The following PEAK1 variants were observed in gnomAD, a reference collection of about 807,000 sequenced individuals.
The protein encoded by PEAK1 is pseudopodium enriched atypical kinase 1.
A neutral mutation model predicts 124.7 loss-of-function variants in PEAK1; 54 were observed. The ratio of observed to expected loss-of-function variants is 0.43; its 90% CI spans 0.35 to 0.54. The LOEUF (loss-of-function observed/expected upper bound fraction) is 0.54. PEAK1 is among the 20% of genes least tolerant of loss of function. PEAK1 has a pLI of 0.01. For synonymous variants in PEAK1, 719 were observed against 760.0 expected (o/e 0.95, Z 0.89); for missense variants, 2,046 against 2,134.5 (o/e 0.96, Z 0.82).
intron 2 of PEAK1, among the ~76,000 whole-genome samples, chr15:77,294,395 A>C (rs1363847721): frequency 6.6e-6 from 1 of 152,242 alleles, no homozygotes; most frequent in African/African-American, 2.4e-5. Flanking sequence ...TTTGACATCT[A>C]CGATTATGAA....
chr15:77,175,422 C>A (rs1008634561), intron 7 of PEAK1, among the ~76,000 whole-genome samples: 80 of 150,104 alleles, frequency 5.3e-4, no homozygotes, highest in African/African-American at 1.8e-3. Flanking sequence ...AACAAACAAC[C>A]CCATCAAAAA....
chr15:77,347,804 T>C lies in PEAK1; in HGVS notation c.-603+17359A>G. 4.1e-6 allele frequency: 4 copies of C among 985,184 alleles called. No homozygotes were observed. The South Asian group carries it at 1.9e-4, about 46-fold the overall frequency. The allele number at this position is 985,184 out of a possible 1,614,324, so 61.0% of individuals were successfully genotyped here. A position where few individuals can be genotyped will look rare whatever the true frequency, so the allele number is the denominator to read the frequency against. Reference sequence around the variant, plus strand: ...TGAGTGTATAGATCATCTGTTTTCCTTCTATAGCAAGCACAAAACAGTGTT... The same window carrying C: ...TGAGTGTATAGATCATCTGTTTTCCCTCTATAGCAAGCACAAAACAGTGTT... On this transcript the variant is annotated intron_variant, in intron 2 of 9. Transcript: ENST00000682557.
intron 2 of PEAK1, among the ~76,000 whole-genome samples, chr15:77,341,363 A>C (rs2066519754): frequency 6.6e-6 from 1 of 152,076 alleles, no homozygotes; most frequent in Non-Finnish European, 1.5e-5. Context: ...AGCTGGGCAT[A>C]GTGGCACGTG....
chr15:77,306,658 T>C (rs1461066400), intron 2 of PEAK1, among the ~76,000 whole-genome samples: 1 of 152,152 alleles, frequency 6.6e-6, no homozygotes, highest in African/African-American at 2.4e-5. Context: ...TGCTTTCCTC[T>C]GTCATCCAGG....
intron 6 of PEAK1, among the ~76,000 whole-genome samples, chr15:77,243,843 C>A (rs975437639): frequency 6.6e-6 from 1 of 152,146 alleles, no homozygotes; most frequent in East Asian, 1.9e-4. Context: ...TGGCACATGT[C>A]TGTAATCCCT....
chr15:77,208,837 G>A (rs547341911), intron 6 of PEAK1, among the ~76,000 whole-genome samples: 2 of 152,138 alleles, frequency 1.3e-5, no homozygotes, highest in East Asian at 3.9e-4. Context: ...CTGAAAGAAT[G>A]GCCTAAGAAA....
At chr15:77,360,575 T>TA (rs905568121) in intron 2 of PEAK1, among the ~76,000 whole-genome samples, 7 of 151,922 alleles carry the variant, frequency 4.6e-5, no homozygotes, top group African/African-American at 1.7e-4. Context: ...CAAACATGGA[T>TA]AAAAAAAGAC....
chr15:77,159,619 T>C (rs2055452715), intron 7 of PEAK1, among the ~76,000 whole-genome samples: 1 of 152,254 alleles, frequency 6.6e-6, no homozygotes, highest in Middle Eastern at 3.4e-3. Flanking sequence ...TCATTAGCTA[T>C]TTTTCCTGGT....
chr15:77,207,944 T>A (rs1214778177), intron 6 of PEAK1, among the ~76,000 whole-genome samples: 5 of 152,302 alleles, frequency 3.3e-5, no homozygotes, highest in Admixed American at 6.5e-5. Flanking sequence ...AGCTCCAGGC[T>A]CATACAGGTC....
intron 1 of PEAK1, chr15:77,381,334 G>C (rs559186070): frequency 1.3e-4 from 101 of 792,398 alleles, no homozygotes; most frequent in Non-Finnish European, 1.5e-4. Context: ...AGCACTGCTT[G>C]AGGCCAGGAG....
In PEAK1 at chr15:77,136,728, T is replaced by C. The variant is rs147374578; in HGVS notation, c.3332-2978A>G. The stretch of plus-strand genomic sequence containing the variant: ...AATCAGAAAATTTGCAGCCTGTCAA[T>C]GTGATAGAAAATAAAATACCATTTT... On this transcript the variant is annotated intron_variant, in intron 8 of 9. Coordinates refer to ENST00000682557, the MANE Select transcript of PEAK1 (RefSeq NM_001385026.1). Among the ~76,000 whole-genome samples the C allele has an allele frequency of 7.3e-3, 1,115 of 152,170 alleles. 15 individuals carry two copies. Among genetic ancestry groups the C allele is most frequent in the African/African-American group, 0.025 (1,058 of 41,520 alleles).
intron 6 of PEAK1, 68 bp from the exon 7 acceptor site, chr15:77,182,108 G>A: frequency 2.4e-6 from 3 of 1,267,160 alleles, no homozygotes; most frequent in Non-Finnish European, 9.9e-7. Context: ...CATTATTAGT[G>A]ACTTGAAAAA....
At chr15:77,348,976 T>C in intron 2 of PEAK1, 1 of 940,016 alleles carries the variant, frequency 1.1e-6, no homozygotes, top group Non-Finnish European at 1.3e-6. Flanking sequence ...AAGCCTTTCT[T>C]ACTTATAATT....
chr15:77,192,986 C>T (rs572909415), intron 6 of PEAK1, among the ~76,000 whole-genome samples: 1 of 152,296 alleles, frequency 6.6e-6, no homozygotes, highest in East Asian at 1.9e-4. Context: ...GACACACAGA[C>T]ATATTTCACA....
intron 7 of PEAK1, among the ~76,000 whole-genome samples, chr15:77,170,491 TA>T (rs1271466306): frequency 6.6e-6 from 1 of 152,132 alleles, no homozygotes; most frequent in Non-Finnish European, 1.5e-5. Context: ...GCCACATATG[TA>T]GGGCCTTCTT....
intron 9 of PEAK1, among the ~76,000 whole-genome samples, chr15:77,123,832 G>T (rs147843449): frequency 1.5e-3 from 234 of 152,276 alleles, no homozygotes; most frequent in African/African-American, 5.5e-3. Context: ...CAGAAGGCCA[G>T]CCAATATATA....
intron 7 of PEAK1, among the ~76,000 whole-genome samples, chr15:77,176,195 A>G (rs1340118797): frequency 2.6e-5 from 4 of 151,096 alleles, no homozygotes; most frequent in Non-Finnish European, 5.9e-5. Context: ...TGGCACATGT[A>G]TACATATGTA....
intron 6 of PEAK1, among the ~76,000 whole-genome samples, chr15:77,225,653 G>A (rs1217954284): frequency 3.1e-4 from 34 of 109,914 alleles, no homozygotes; most frequent in South Asian, 1.4e-3. Flanking sequence ...GTGTGTGTGT[G>A]TGTGTGTATA....
intron 7 of PEAK1, among the ~76,000 whole-genome samples, chr15:77,162,828 A>G (rs1027568060): frequency 2.0e-5 from 3 of 152,208 alleles, no homozygotes; most frequent in Non-Finnish European, 4.4e-5. Context: ...AAAATTATTT[A>G]GAGTGAAAAT....
Sources: gnomAD v4.1 joint callset for allele counts (sites outside exome capture counted in the v4.1 genomes callset) on GRCh38, gnomAD v4.1.1 for gene constraint, MANE v1.5 for transcripts, NCBI Gene and HGNC (gene_info 2026-07-23, HGNC 2026-07-21) for gene names.